The following KHDRBS2 variants were observed in gnomAD, a reference collection of about 807,000 sequenced individuals.
KHDRBS2 encodes the protein KH RNA binding domain containing, signal transduction associated 2.
KHDRBS2 carries 26 observed loss-of-function variants against 44.3 expected under a neutral mutation model. The ratio of observed to expected loss-of-function variants is 0.59; its 90% CI spans 0.43 to 0.81. The LOEUF (loss-of-function observed/expected upper bound fraction) is 0.81, where lower values mean the gene tolerates loss of function less well. KHDRBS2 is among the 40% of genes least tolerant of loss of function. The pLI, the probability that KHDRBS2 is intolerant of heterozygous loss-of-function variation, is 0.00. For missense variants in KHDRBS2, 476 were observed against 433.1 expected (o/e 1.10, Z -0.88); for synonymous variants, 194 against 151.1 (o/e 1.28, Z -2.08).
chr6:62,171,178 T>C (rs1357870297), intron 2 of KHDRBS2, among the ~76,000 whole-genome samples: 3 of 151,990 alleles, frequency 2.0e-5, no homozygotes, highest in Non-Finnish European at 2.9e-5. Context: ...ATGAAGATCA[T>C]AGAGATTCAG....
the KHDRBS2 span, among the ~76,000 whole-genome samples, chr6:61,561,223 C>T: frequency 1.3e-5 from 2 of 152,130 alleles, no homozygotes; most frequent in African/African-American, 2.4e-5. Context: ...TTCTGTCTCT[C>T]ACTCTGTCTC....
chr6:61,957,512 G>A (rs935330230), intron 4 of KHDRBS2, among the ~76,000 whole-genome samples: 1 of 151,974 alleles, frequency 6.6e-6, no homozygotes, highest in Non-Finnish European at 1.5e-5. Context: ...TGCTTTGGGG[G>A]TGGCTGTCTT....
intron 2 of KHDRBS2, among the ~76,000 whole-genome samples, chr6:62,163,453 GAGTAGCAC>G (rs1818048635): frequency 6.6e-6 from 1 of 152,002 alleles, no homozygotes; most frequent in Non-Finnish European, 1.5e-5. Flanking sequence ...ACAGACTGAT[GAGTAGCAC>G]AAATACTGTA....
At chr6:62,168,929 T>C (rs1328324153) in intron 2 of KHDRBS2, among the ~76,000 whole-genome samples, 4 of 150,424 alleles carry the variant, frequency 2.7e-5, no homozygotes, top group South Asian at 2.1e-4. Flanking sequence ...ATATGCACTA[T>C]AGGTGGAGAT....
At chr6:61,717,660 G>A (rs1427147325) in intron 7 of KHDRBS2, among the ~76,000 whole-genome samples, 3 of 152,020 alleles carry the variant, frequency 2.0e-5, no homozygotes, top group Non-Finnish European at 4.4e-5. Context: ...TTAAGTTACT[G>A]GATAACTGCA....
chr6:61,619,823 G>C, the KHDRBS2 span, among the ~76,000 whole-genome samples: 1 of 152,046 alleles, frequency 6.6e-6, no homozygotes, highest in Non-Finnish European at 1.5e-5. Flanking sequence ...CCACTCAGTT[G>C]ATCGGTACTT....
chr6:61,602,827 C>T, the KHDRBS2 span, among the ~76,000 whole-genome samples: 2 of 152,082 alleles, frequency 1.3e-5, no homozygotes, highest in Non-Finnish European at 2.9e-5. Context: ...TTAAGCACTC[C>T]TTTTTAGTTA....
intron 6 of KHDRBS2, among the ~76,000 whole-genome samples, chr6:61,842,347 T>C (rs1793715819): frequency 6.6e-6 from 1 of 152,210 alleles, no homozygotes; most frequent in South Asian, 2.1e-4. Context: ...TGAGACATGT[T>C]TTCATTATTC....
rs149079794 is a variant in KHDRBS2, at chr6:62,218,959, T to C, written c.92-41647A>G. 4.8e-3 allele frequency among the ~76,000 whole-genome samples: 728 copies of C among 151,952 alleles called. 13 individuals are homozygous for C. The highest frequency in any genetic ancestry group is 0.016 in the African/African-American group (666 of 41,536). On this transcript the variant is annotated intron_variant, in intron 1 of 8. Coordinates refer to ENST00000281156, the MANE Select transcript of KHDRBS2 (RefSeq NM_152688.4). The stretch of plus-strand genomic sequence containing the variant: ...GTATAATTGGGAGCCAAATAATATG[T>C]ATGTGGACATACAGTGTTGATTTAC...
intron 1 of KHDRBS2, among the ~76,000 whole-genome samples, chr6:62,223,788 C>A (rs760785504): frequency 1.6e-4 from 24 of 152,142 alleles, no homozygotes; most frequent in Non-Finnish European, 2.6e-4. Flanking sequence ...TGAGAAGAGT[C>A]ACCTTTGTTC....
intron 2 of KHDRBS2, among the ~76,000 whole-genome samples, chr6:62,062,486 G>A (rs1300468777): frequency 4.6e-5 from 7 of 152,030 alleles, no homozygotes; most frequent in East Asian, 3.9e-4. Context: ...ACTCAAAGCC[G>A]CTCAGCTACG....
chr6:62,066,118 AG>A (rs1200445802), intron 2 of KHDRBS2, among the ~76,000 whole-genome samples: 1 of 149,910 alleles, frequency 6.7e-6, no homozygotes, highest in Non-Finnish European at 1.5e-5. Context: ...TTACTCAAAA[AG>A]ATTCATTAAA....
At chr6:61,771,855 ACT>A (rs1483988348) in intron 6 of KHDRBS2, among the ~76,000 whole-genome samples, 1 of 152,048 alleles carries the variant, frequency 6.6e-6, no homozygotes, top group Non-Finnish European at 1.5e-5. Flanking sequence ...AATCTACAGA[ACT>A]CTCCACCCCA....
At chr6:61,914,354 T>C (rs886395526) in intron 4 of KHDRBS2, among the ~76,000 whole-genome samples, 4 of 152,110 alleles carry the variant, frequency 2.6e-5, no homozygotes, top group Non-Finnish European at 2.9e-5. Flanking sequence ...TTCCCTCTTC[T>C]CTATCTCTAA....
the KHDRBS2 span, among the ~76,000 whole-genome samples, chr6:61,569,778 C>T: frequency 6.6e-6 from 1 of 152,148 alleles, no homozygotes; most frequent in Non-Finnish European, 1.5e-5. Context: ...GCAGCATCAG[C>T]CCAGAGCCTG....
At chr6:61,705,573 T>C (rs1769384274) in intron 7 of KHDRBS2, among the ~76,000 whole-genome samples, 2 of 151,842 alleles carry the variant, frequency 1.3e-5, no homozygotes, top group Admixed American at 1.3e-4. Flanking sequence ...GTCCATAATA[T>C]GCATCCAAAA....
the KHDRBS2 span, among the ~76,000 whole-genome samples, chr6:61,603,744 A>G: frequency 6.6e-6 from 1 of 152,230 alleles, no homozygotes; most frequent in East Asian, 1.9e-4. Context: ...TCCTTCAGCT[A>G]TACTCACTCT....
chr6:61,554,332 T>A, the KHDRBS2 span, among the ~76,000 whole-genome samples: 2 of 152,174 alleles, frequency 1.3e-5, no homozygotes, highest in African/African-American at 4.8e-5. Context: ...CAACCCCTGT[T>A]TTTTTTTCGG....
At chr6:61,579,966 A>G in the KHDRBS2 span, among the ~76,000 whole-genome samples, 1 of 151,970 alleles carries the variant, frequency 6.6e-6, no homozygotes, top group African/African-American at 2.4e-5. Context: ...CTGAGGCAGG[A>G]GAATCACTTG....
Sources: gnomAD v4.1 joint callset for allele counts (sites outside exome capture counted in the v4.1 genomes callset) on GRCh38, gnomAD v4.1.1 for gene constraint, MANE v1.5 for transcripts, NCBI Gene and HGNC (gene_info 2026-07-23, HGNC 2026-07-21) for gene names.